The following SH3BP5 variants were observed in gnomAD, a reference collection of about 807,000 sequenced individuals.
The protein encoded by SH3BP5 is SH3 domain-binding protein 5.
A neutral mutation model predicts 43.3 loss-of-function variants in SH3BP5; 22 were observed. The ratio of observed to expected loss-of-function variants is 0.51; its 90% CI spans 0.36 to 0.73. The LOEUF is 0.73. Among genes scored for constraint, SH3BP5 ranks in the 30% least tolerant of loss-of-function variants. The probability of loss-of-function intolerance (pLI) is 0.00; values close to 1 mark genes in which losing one functional copy is unlikely to be tolerated. For synonymous variants in SH3BP5, 255 were observed against 225.8 expected (o/e 1.13, Z -1.16); for missense variants, 529 against 586.9 (o/e 0.90, Z 1.02).
chr3:15,267,559 C>T (rs147421528), intron 4 of SH3BP5, among the ~76,000 whole-genome samples: 21 of 152,302 alleles, frequency 1.4e-4, no homozygotes, highest in African/African-American at 4.1e-4. Context: ...CCAAGAAAAC[C>T]AAATGGGCCC....
At chr3:15,296,547 T>C (rs143936622) in intron 3 of SH3BP5, among the ~76,000 whole-genome samples, 4 of 152,178 alleles carry the variant, frequency 2.6e-5, no homozygotes, top group Admixed American at 2.6e-4. Flanking sequence ...GCTCAGTCAA[T>C]AGCTACCGAA....
At chr3:15,256,486 A>G in intron 8 of SH3BP5, 183 bp from the exon 9 acceptor site, 1 of 661,828 alleles carries the variant, frequency 1.5e-6, no homozygotes, top group Non-Finnish European at 2.7e-6. Flanking sequence ...AGAGGTTCTC[A>G]GTACATAATC....
intron 3 of SH3BP5, among the ~76,000 whole-genome samples, chr3:15,301,010 GGA>G (rs1241157184): frequency 2.0e-5 from 3 of 152,164 alleles, no homozygotes; most frequent in Non-Finnish European, 4.4e-5. Flanking sequence ...ATGAAGAGAT[GGA>G]GAGGAGCCAC....
chr3:15,288,315 C>A (rs553953438), intron 3 of SH3BP5, among the ~76,000 whole-genome samples: 2 of 152,242 alleles, frequency 1.3e-5, no homozygotes, highest in Non-Finnish European at 1.5e-5. Context: ...CTGGACACTG[C>A]AGCCCAGTCA....
chr3:15,257,171 G>T (rs1023390901), intron 7 of SH3BP5, 58 bp from the exon 8 acceptor site: 1 of 1,564,038 alleles, frequency 6.4e-7, no homozygotes, highest in African/African-American at 1.4e-5. Flanking sequence ...AACACCACAA[G>T]TGCTTGCTGC....
rs1480141330 is a variant in SH3BP5, at chr3:15,259,774, T to C, written c.656A>G (p.Tyr219Cys). 9.9e-6 allele frequency: 16 copies of C among 1,613,958 alleles called. No homozygotes were observed. Among genetic ancestry groups the C allele is most frequent in the Non-Finnish European group, 1.4e-5 (16 of 1,179,998 alleles). Reference protein sequence around the residue: ...KPYFELKAKYYVQLEQLKKTV... With the variant: ...KPYFELKAKYCVQLEQLKKTV... ...AGCTACACATACCTCGAGCTGCACA[T>C]AGTACTTTGCCTTGAGTTCAAAATA... is the stretch of plus-strand genomic sequence containing the variant. Residue 219 changes from tyrosine (Y) to cysteine (C), a missense_variant, in exon 6 of 9, where the codon TAT becomes TGT. Physicochemically the swap from Tyr to Cys is radical, Grantham distance 194. This residue lies in a region of SH3BP5 where 369 missense variants were observed against 384.3 expected (regional missense o/e 0.96). Transcript: ENST00000383791.
At chr3:15,257,260 C>T in intron 7 of SH3BP5, 147 bp from the exon 8 acceptor site, 1 of 801,554 alleles carries the variant, frequency 1.2e-6, no homozygotes, top group Non-Finnish European at 1.9e-6. Context: ...TGTGACTTCC[C>T]AAGCCTGAAT....
Position 15,256,117 on chromosome 3 carries a change from A to G in SH3BP5, c.1337T>C (p.Ile446Thr), listed in dbSNP as rs771557081. 1.1e-5 allele frequency: 18 copies of G among 1,614,184 alleles called. No homozygotes were observed. Among genetic ancestry groups the G allele is most frequent in the Non-Finnish European group, 1.4e-5 (16 of 1,179,996 alleles). The change falls in exon 9 of 9, where the codon ATT becomes ACT. Residue 446 changes from isoleucine to threonine, a missense_variant. Ile to Thr is a moderately conservative substitution (Grantham distance 89, BLOSUM62 -1). Transcript: ENST00000383791. ...AATCTGCACCATTTTTATGTCAGCA[A>G]TAATTCCATCTCTTCCCTTTGAGCA... ...LQCSKGRDGIIADIKMVQIG is the reference protein window; with the variant it reads ...LQCSKGRDGITADIKMVQIG
intron 3 of SH3BP5, among the ~76,000 whole-genome samples, chr3:15,300,255 G>A (rs376222673): frequency 3.3e-5 from 5 of 151,972 alleles, no homozygotes; most frequent in South Asian, 2.1e-4. Flanking sequence ...TAATGAAGCC[G>A]AAACCCAAGC....
chr3:15,314,373 C>T (rs1288832114), intron 2 of SH3BP5, among the ~76,000 whole-genome samples: 1 of 152,118 alleles, frequency 6.6e-6, no homozygotes, highest in Non-Finnish European at 1.5e-5. Context: ...TCCCTCCCGC[C>T]TCTGTCTGGT....
At chr3:15,310,987 G>A (rs772707957) in intron 2 of SH3BP5, among the ~76,000 whole-genome samples, 1 of 152,068 alleles carries the variant, frequency 6.6e-6, no homozygotes, top group Non-Finnish European at 1.5e-5. Context: ...CTGGCCAATC[G>A]CTCACCTGCT....
At chr3:15,318,744 T>G (rs1054889975) in intron 2 of SH3BP5, among the ~76,000 whole-genome samples, 3 of 152,178 alleles carry the variant, frequency 2.0e-5, no homozygotes, top group African/African-American at 7.2e-5. Context: ...TTTTCTTTTT[T>G]GTATTTTAGT....
intron 2 of SH3BP5, among the ~76,000 whole-genome samples, chr3:15,305,971 A>G (rs1190618431): frequency 1.3e-5 from 2 of 151,780 alleles, no homozygotes; most frequent in African/African-American, 4.9e-5. Flanking sequence ...CAGTGATTCA[A>G]ACCCCACATC....
At chr3:15,316,453 G>C in intron 2 of SH3BP5, among the ~76,000 whole-genome samples, 1 of 152,032 alleles carries the variant, frequency 6.6e-6, no homozygotes, top group East Asian at 1.9e-4. Context: ...TCGAACTCCT[G>C]ACCTCGTGAT....
rs369865863 is a variant in SH3BP5 at position 15,303,146 on chromosome 3, T to C, written c.330+957A>G. Among the ~76,000 whole-genome samples the C allele has an allele frequency of 2.8e-4, 42 of 152,314 alleles. 1 individual carries two copies. Among genetic ancestry groups the C allele is most frequent in the African/African-American group, 1.0e-3 (42 of 41,568 alleles). On this transcript the variant is annotated intron_variant, in intron 3 of 8. Coordinates refer to ENST00000383791, the MANE Select transcript of SH3BP5 (RefSeq NM_004844.5). ...ACATCTTCTTACAAGTGGACACTTT[T>C]GAAGGCAGCATCTTCCATCATGTCA...
chr3:15,267,747 A>T (rs188070395), intron 4 of SH3BP5, among the ~76,000 whole-genome samples: 2 of 152,198 alleles, frequency 1.3e-5, no homozygotes, highest in Non-Finnish European at 2.9e-5. Flanking sequence ...TGAGTTATAC[A>T]GTGTGGAGGT....
intron 2 of SH3BP5, among the ~76,000 whole-genome samples, chr3:15,328,436 G>T (rs1177147836): frequency 6.9e-6 from 1 of 145,600 alleles, no homozygotes; most frequent in East Asian, 2.0e-4. Context: ...AAAAAAAAAA[G>T]ACTATTTCCA....
intron 8 of SH3BP5, 49 bp from the exon 9 acceptor site, chr3:15,256,352 T>G (rs1559420991): frequency 6.4e-7 from 1 of 1,556,492 alleles, no homozygotes; most frequent in Non-Finnish European, 8.8e-7. Flanking sequence ...AATTCTGCCC[T>G]GTCTCCTATA....
At chr3:15,311,616 A>G (rs1559453300) in intron 2 of SH3BP5, among the ~76,000 whole-genome samples, 1 of 152,340 alleles carries the variant, frequency 6.6e-6, no homozygotes, top group East Asian at 1.9e-4. Context: ...ATGTCTTTGC[A>G]TAAAGTCACA....
Sources: allele counts gnomAD v4.1 joint callset (sites outside exome capture counted in the v4.1 genomes callset), GRCh38; gene constraint gnomAD v4.1.1; regional missense constraint gnomAD v4.1.1; transcripts MANE v1.5; gene names NCBI Gene and HGNC (gene_info 2026-07-23, HGNC 2026-07-21).